The following B4GALNT3 variants were observed in gnomAD, a reference collection of about 807,000 sequenced individuals.
B4GALNT3 encodes beta-1,4-N-acetylgalactosaminyltransferase 3.
Under a neutral mutation model 120.2 loss-of-function variants are expected in B4GALNT3, and 86 were observed. That is an observed-to-expected ratio of 0.72 (90% CI 0.60 to 0.86). The LOEUF (loss-of-function observed/expected upper bound fraction) is 0.86, where lower values mean the gene tolerates loss of function less well. Ranked by LOEUF, B4GALNT3 falls within the 40% of genes least tolerant of loss-of-function variation. B4GALNT3 has a pLI of 0.00. For missense variants in B4GALNT3, 1,167 were observed against 1,298.9 expected (o/e 0.90, Z 1.56); for synonymous variants, 518 against 510.4 (o/e 1.01, Z -0.20).
chr12:505,900 C>A (rs1392412977), intron 1 of B4GALNT3, among the ~76,000 whole-genome samples: 2 of 152,198 alleles, frequency 1.3e-5, no homozygotes, highest in African/African-American at 4.8e-5. Flanking sequence ...AGATCAGTGA[C>A]AAGTGGGAGA....
intron 1 of B4GALNT3, among the ~76,000 whole-genome samples, chr12:512,792 T>C (rs1946605209): frequency 1.5e-5 from 2 of 133,220 alleles, no homozygotes; most frequent in Non-Finnish European, 3.2e-5. Context: ...CCTTCCACCT[T>C]CCGCCTTCCA....
At position 550,959 on chromosome 12, in the gene B4GALNT3, G is replaced by T. The variant is rs762343462; in HGVS notation, c.1035G>T (p.Leu345=). The T allele has an allele frequency of 6.2e-7, 1 of 1,614,090 alleles. No homozygotes were observed. The highest frequency in any genetic ancestry group is 1.1e-5 in the South Asian group (1 of 91,086). The change falls in exon 11 of 20, where the codon CTG becomes CTT. Residue 345 remains leucine (L), a synonymous_variant. Transcript: ENST00000266383. This position sits in a 1 kb window ranked among gnomAD's most constrained non-coding sequence, Gnocchi z 4.1. ...CCAAGTCGCATCTCCGCCACGTCCT[G>T]CCTGACTGTCCCTACAAACCCAGCT... ...LIPKSHLRHV[L]PDCPYKPSYL...
chr12:541,332 T>C (rs931932094), intron 3 of B4GALNT3, among the ~76,000 whole-genome samples: 1 of 152,240 alleles, frequency 6.6e-6, no homozygotes, highest in African/African-American at 2.4e-5. Flanking sequence ...CCAACAGATA[T>C]CTTCTCCAGC....
chr12:463,766 A>G (rs1359586165), intron 1 of B4GALNT3, among the ~76,000 whole-genome samples: 1 of 152,216 alleles, frequency 6.6e-6, no homozygotes, highest in African/African-American at 2.4e-5. Flanking sequence ...TTCGAGACAG[A>G]AAGAGTTACG....
chr12:556,904 G>C (rs1332874687), intron 15 of B4GALNT3, 38 bp downstream of exon 15: 1 of 1,570,724 alleles, frequency 6.4e-7, no homozygotes, highest in African/African-American at 1.4e-5. Flanking sequence ...CTCAGGGGCG[G>C]GGTCCTCACA....
chr12:483,829 G>C (rs760080966), intron 1 of B4GALNT3, among the ~76,000 whole-genome samples: 5 of 152,172 alleles, frequency 3.3e-5, no homozygotes, highest in Non-Finnish European at 7.3e-5. Context: ...ACCTTGTTCA[G>C]AGTTTCATGG....
chr12:505,278 G>A (rs1946486045), intron 1 of B4GALNT3, among the ~76,000 whole-genome samples: 1 of 152,226 alleles, frequency 6.6e-6, no homozygotes, highest in Non-Finnish European at 1.5e-5. Flanking sequence ...ACAACTTGGG[G>A]CTTCCCTCTC....
intron 14 of B4GALNT3, among the ~76,000 whole-genome samples, chr12:554,789 CAAAAAAAAA>C (rs57194028): frequency 1.5e-4 from 5 of 33,016 alleles, no homozygotes; most frequent in East Asian, 1.6e-3. Context: ...GACTCCGTCT[CAAAAAAAAA>C]AAAAAAAAAA....
chr12:523,381 C>T (rs1464538504), intron 1 of B4GALNT3, among the ~76,000 whole-genome samples: 7 of 152,190 alleles, frequency 4.6e-5, no homozygotes, highest in Non-Finnish European at 4.4e-5. Context: ...TTTTCTGAAG[C>T]GTGGATGTGT....
chr12:486,872 G>A (rs752952918), intron 1 of B4GALNT3, among the ~76,000 whole-genome samples: 48 of 152,206 alleles, frequency 3.2e-4, no homozygotes, highest in Non-Finnish European at 5.6e-4. Flanking sequence ...AGGTATGGAA[G>A]AAGTGTTAGA....
chr12:530,935 T>C (rs1224700628), intron 1 of B4GALNT3, among the ~76,000 whole-genome samples: 1 of 152,124 alleles, frequency 6.6e-6, no homozygotes, highest in African/African-American at 2.4e-5. Context: ...CACCTGAGAT[T>C]GGGGTGTCTG....
intron 1 of B4GALNT3, among the ~76,000 whole-genome samples, chr12:477,164 C>T (rs1054086516): frequency 6.6e-6 from 1 of 152,230 alleles, no homozygotes; most frequent in Non-Finnish European, 1.5e-5. Context: ...GCCACTCACC[C>T]TCTGCCTTCG....
At chr12:528,416 C>T (rs566015486) in intron 1 of B4GALNT3, among the ~76,000 whole-genome samples, 8 of 152,166 alleles carry the variant, frequency 5.3e-5, no homozygotes, top group South Asian at 2.1e-4. Flanking sequence ...ATAAAACACC[C>T]GATGTTTCAC....
At chr12:463,060 T>A (rs1339473601) in intron 1 of B4GALNT3, among the ~76,000 whole-genome samples, 1 of 152,200 alleles carries the variant, frequency 6.6e-6, no homozygotes, top group Non-Finnish European at 1.5e-5. Context: ...AGAACCAGCT[T>A]GTTGGCTCTG....
At chr12:475,564 C>T (rs1003511595) in intron 1 of B4GALNT3, among the ~76,000 whole-genome samples, 1 of 152,144 alleles carries the variant, frequency 6.6e-6, no homozygotes, top group African/African-American at 2.4e-5. Context: ...GCCGCGCCTC[C>T]TCTTCGCCCT....
intron 7 of B4GALNT3, among the ~76,000 whole-genome samples, chr12:547,471 G>T (rs984491632): frequency 2.0e-5 from 3 of 152,116 alleles, no homozygotes; most frequent in Non-Finnish European, 4.4e-5. Flanking sequence ...ATGCACAAGG[G>T]TTACGTATCA....
intron 1 of B4GALNT3, among the ~76,000 whole-genome samples, chr12:483,943 A>T (rs1315549330): frequency 6.6e-6 from 1 of 152,102 alleles, no homozygotes; most frequent in Non-Finnish European, 1.5e-5. Context: ...TTGGGGTGGG[A>T]TAGGGGAGAA....
At chr12:498,884 G>A (rs1946414631) in intron 1 of B4GALNT3, among the ~76,000 whole-genome samples, 2 of 152,210 alleles carry the variant, frequency 1.3e-5, no homozygotes, top group South Asian at 2.1e-4. Context: ...CCAGCAGACT[G>A]TGGCCTCACA....
intron 1 of B4GALNT3, among the ~76,000 whole-genome samples, chr12:488,051 G>C (rs12322033): frequency 2.0e-4 from 30 of 152,036 alleles, no homozygotes; most frequent in African/African-American, 7.2e-4. Context: ...CTCAGAAACC[G>C]GGTATGGGCC....
Sources: allele counts gnomAD v4.1 joint callset (sites outside exome capture counted in the v4.1 genomes callset), GRCh38; gene constraint gnomAD v4.1.1; non-coding constraint Gnocchi (gnomAD v3.1); transcripts MANE v1.5; gene names NCBI Gene and HGNC (gene_info 2026-07-23, HGNC 2026-07-21).